VSNL1: variants seen among roughly 807,000 people sequenced by gnomAD.
VSNL1 encodes the protein visinin-like protein 1.
In VSNL1, 6 loss-of-function variants were observed where a neutral mutation model predicts 20.4. The observed-to-expected ratio is 0.29, with a 90% CI of 0.16 to 0.58. The LOEUF (loss-of-function observed/expected upper bound fraction) is 0.58. Ranked by LOEUF, VSNL1 falls within the 20% of genes least tolerant of loss-of-function variation. The pLI, the probability that VSNL1 is intolerant of heterozygous loss-of-function variation, is 0.90. For missense variants in VSNL1, 100 were observed against 234.5 expected (o/e 0.43, Z 3.75); for synonymous variants, 93 against 86.4 (o/e 1.08, Z -0.42).
rs1176428127 is a variant in VSNL1, at chr2:17,634,678, G to A, written c.163-14732G>A. The stretch of plus-strand genomic sequence containing the variant: ...TCTCAGGTCGTAGTAGGGTGAGGAG[G>A]AAAACAGGTATTTTTGTATGTTCGT... On this transcript the variant is annotated intron_variant, in intron 2 of 3. Transcript: ENST00000295156. The surrounding 1 kb of genome is among the most constrained non-coding windows in gnomAD (Gnocchi z 4.3). Among the ~76,000 whole-genome samples, 1 of 152,170 alleles carries A rather than the reference G, an allele frequency of 6.6e-6. No homozygotes were observed.
At chr2:17,581,876 C>A (rs1331378903) in intron 1 of VSNL1, among the ~76,000 whole-genome samples, 1 of 152,196 alleles carries the variant, frequency 6.6e-6, no homozygotes, top group Non-Finnish European at 1.5e-5. Flanking sequence ...GGGCTCTGAA[C>A]TAGTGCTGAG....
In VSNL1 at chr2:17,642,309, C is replaced by CTTTTTTTTTTTTTTTT. The variant is rs577471307; in HGVS notation, c.163-7099_163-7084dup. Among the ~76,000 whole-genome samples, 52 of 93,234 alleles carry CTTTTTTTTTTTTTTTT rather than the reference C, an allele frequency of 5.6e-4. 8 individuals carry two copies. Among genetic ancestry groups the CTTTTTTTTTTTTTTTT allele is most frequent in the Non-Finnish European group, 6.6e-4 (29 of 44,254 alleles). The allele number at this position is 93,234 out of a possible 152,430, so 61.2% of individuals were successfully genotyped here. Reference sequence around the variant, plus strand: ...CTGGCTTTTCCCATGGTGAGCATTCCTTTTTTTTTTTTTTTTTGAGACAGA... The same window carrying CTTTTTTTTTTTTTTTT: ...CTGGCTTTTCCCATGGTGAGCATTCCTTTTTTTTTTTTTTTTTTTTTTTTTTTTTTTTTGAGACAGA... On this transcript the variant is annotated intron_variant, in intron 2 of 3. Coordinates refer to ENST00000295156, the MANE Select transcript of VSNL1 (RefSeq NM_003385.5).
At chr2:17,617,909 A>C (rs1213021205) in intron 2 of VSNL1, among the ~76,000 whole-genome samples, 2 of 125,066 alleles carry the variant, frequency 1.6e-5, no homozygotes, top group Non-Finnish European at 3.9e-5. Flanking sequence ...ACACACACAC[A>C]CCCCACCTTA....
At chr2:17,543,109 T>G (rs1391427847) in intron 1 of VSNL1, among the ~76,000 whole-genome samples, 2 of 152,204 alleles carry the variant, frequency 1.3e-5, no homozygotes, top group Non-Finnish European at 2.9e-5. Flanking sequence ...TACCACCTCA[T>G]TTCTCTTCCT....
At chr2:17,624,136 A>AC (rs1665449650) in intron 2 of VSNL1, among the ~76,000 whole-genome samples, 1 of 152,224 alleles carries the variant, frequency 6.6e-6, no homozygotes, top group African/African-American at 2.4e-5. Context: ...CAAGGAAGAC[A>AC]CAGAGCACAG....
intron 1 of VSNL1, among the ~76,000 whole-genome samples, chr2:17,552,211 A>C (rs1249536017): frequency 6.6e-6 from 1 of 151,430 alleles, no homozygotes; most frequent in Admixed American, 6.6e-5. Context: ...AAAAAAAAAA[A>C]ACAAAAAAAA....
At chr2:17,559,151 A>G (rs756783656) in intron 1 of VSNL1, among the ~76,000 whole-genome samples, 3 of 152,200 alleles carry the variant, frequency 2.0e-5, no homozygotes, top group African/African-American at 4.8e-5. Flanking sequence ...GATGAAGGTC[A>G]GGTCATACCC....
intron 2 of VSNL1, among the ~76,000 whole-genome samples, chr2:17,632,966 C>T (rs1178199301): frequency 6.6e-6 from 1 of 152,122 alleles, no homozygotes; most frequent in Non-Finnish European, 1.5e-5. Context: ...CCACTCTGAC[C>T]AATATGGTGA....
chr2:17,570,818 G>A (rs1209147751), intron 1 of VSNL1, among the ~76,000 whole-genome samples: 1 of 152,124 alleles, frequency 6.6e-6, no homozygotes, highest in African/African-American at 2.4e-5. Context: ...AGGCCGAGGT[G>A]GGTGGATCAT....
chr2:17,616,303 G>T lies in VSNL1; in HGVS notation c.162+24067G>T, dbSNP rs1192516767. ...TCATCACAAGAGTGAAGCCCAGCAG[G>T]TTCCATGTGGCTTCTTGACTCTGCG... On this transcript the variant is annotated intron_variant, in intron 2 of 3. Transcript: ENST00000295156. 3.9e-5 allele frequency among the ~76,000 whole-genome samples: 6 copies of T among 152,264 alleles called. 1 individual carries two copies. Among genetic ancestry groups the T allele is most frequent in the Non-Finnish European group, 8.8e-5 (6 of 68,054 alleles).
At chr2:17,648,125 C>T (rs1010805436) in intron 2 of VSNL1, among the ~76,000 whole-genome samples, 6 of 152,176 alleles carry the variant, frequency 3.9e-5, no homozygotes, top group African/African-American at 1.4e-4. Flanking sequence ...ATCATTGTGC[C>T]TAGCAATGGG....
intron 1 of VSNL1, among the ~76,000 whole-genome samples, chr2:17,585,956 C>A (rs969743742): frequency 1.3e-5 from 2 of 151,818 alleles, no homozygotes; most frequent in Non-Finnish European, 2.9e-5. Flanking sequence ...TTACAGGTGC[C>A]CACCACCACA....
At chr2:17,588,836 G>T (rs187070878) in intron 1 of VSNL1, among the ~76,000 whole-genome samples, 14 of 152,106 alleles carry the variant, frequency 9.2e-5, no homozygotes, top group Admixed American at 6.6e-4. Context: ...CTTATATATA[G>T]ATTATGAGAC....
At chr2:17,638,752 GGTCCTTCT>G (rs1172740874) in intron 2 of VSNL1, among the ~76,000 whole-genome samples, 1 of 152,140 alleles carries the variant, frequency 6.6e-6, no homozygotes, top group Non-Finnish European at 1.5e-5. Context: ...TCTCTAAGTT[GGTCCTTCT>G]TGACCGCTGA....
chr2:17,645,481 AG>A (rs1214534544), intron 2 of VSNL1, among the ~76,000 whole-genome samples: 1 of 152,188 alleles, frequency 6.6e-6, no homozygotes, highest in Admixed American at 6.5e-5. Flanking sequence ...GGGCTGGGAT[AG>A]GGGTGCAGAG....
intron 1 of VSNL1, among the ~76,000 whole-genome samples, chr2:17,588,448 C>T (rs908267516): frequency 6.6e-6 from 1 of 152,138 alleles, no homozygotes; most frequent in South Asian, 2.1e-4. Flanking sequence ...AGCCTGCTTC[C>T]CCCTCATATG....
At chr2:17,608,113 T>G (rs1363348957) in intron 2 of VSNL1, among the ~76,000 whole-genome samples, 1 of 152,196 alleles carries the variant, frequency 6.6e-6, no homozygotes, top group African/African-American at 2.4e-5. Context: ...TCTGATGACT[T>G]GAAATTAGGC....
At chr2:17,568,041 T>C (rs1481191062) in intron 1 of VSNL1, among the ~76,000 whole-genome samples, 1 of 152,178 alleles carries the variant, frequency 6.6e-6, no homozygotes, top group African/African-American at 2.4e-5. Flanking sequence ...TAGCTGGATT[T>C]TACTGAGATG....
At chr2:17,612,880 C>A (rs1288177448) in intron 2 of VSNL1, among the ~76,000 whole-genome samples, 1 of 152,102 alleles carries the variant, frequency 6.6e-6, no homozygotes, top group Non-Finnish European at 1.5e-5. Context: ...TGAGTCAGGC[C>A]CAGGGCTCAG....
Sources: allele counts gnomAD v4.1 joint callset (sites outside exome capture counted in the v4.1 genomes callset), GRCh38; gene constraint gnomAD v4.1.1; non-coding constraint Gnocchi (gnomAD v3.1); transcripts MANE v1.5; gene names NCBI Gene and HGNC (gene_info 2026-07-23, HGNC 2026-07-21).